Variants in ESYT2 observed in about 807,000 individuals in gnomAD.
The protein encoded by ESYT2 is extended synaptotagmin-2.
In ESYT2, 54 loss-of-function variants were observed where a neutral mutation model predicts 107.2. The observed-to-expected ratio is 0.50, with a 90% confidence interval of 0.40 to 0.63. The LOEUF (loss-of-function observed/expected upper bound fraction) is 0.63, where lower values mean the gene tolerates loss of function less well. ESYT2 is among the 30% of genes least tolerant of loss of function. ESYT2 has a pLI of 0.00. For missense variants in ESYT2, 1,020 were observed against 1,094.5 expected (o/e 0.93, Z 0.96); for synonymous variants, 491 against 434.1 (o/e 1.13, Z -1.63).
Position 158,816,051 on chromosome 7 carries a change from G to A in ESYT2, c.330+13038C>T, listed in dbSNP as rs545354702. On this transcript the variant is annotated intron_variant, in intron 1 of 22. Transcript: ENST00000275418. ...CGCTTTATATGGCAAAAAGAACGCTGCAGATGTGGTAAAATGGAGGATCTT... is the reference window on the plus strand; with the variant it reads ...CGCTTTATATGGCAAAAAGAACGCTACAGATGTGGTAAAATGGAGGATCTT... Among the ~76,000 whole-genome samples the A allele has an allele frequency of 7.2e-5, 11 of 152,294 alleles. No individual in the cohort carries two copies. In the East Asian group the frequency reaches 2.1e-3, roughly 29 times the overall value.
chr7:158,765,544 G>T (rs1838127789), intron 8 of ESYT2, among the ~76,000 whole-genome samples: 1 of 151,978 alleles, frequency 6.6e-6, no homozygotes, highest in Non-Finnish European at 1.5e-5. Flanking sequence ...GACCAGCCTG[G>T]CCAACATGGC....
At chr7:158,769,551 T>G (rs953003115) in intron 7 of ESYT2, among the ~76,000 whole-genome samples, 2 of 152,250 alleles carry the variant, frequency 1.3e-5, no homozygotes, top group African/African-American at 4.8e-5. Context: ...AGTCACTATT[T>G]CCCTGTGTGT....
At chr7:158,799,483 G>C (rs1839568979) in intron 1 of ESYT2, among the ~76,000 whole-genome samples, 1 of 152,138 alleles carries the variant, frequency 6.6e-6, no homozygotes, top group South Asian at 2.1e-4. Context: ...TCCCAGGCCA[G>C]CCGTGGTGGC....
chr7:158,766,084 G>A (rs1244902395), intron 8 of ESYT2, among the ~76,000 whole-genome samples: 1 of 151,526 alleles, frequency 6.6e-6, no homozygotes, highest in Non-Finnish European at 1.5e-5. Flanking sequence ...TGGAAGAATG[G>A]TGTGAATTCG....
chr7:158,786,977 C>A (rs1051295654), intron 6 of ESYT2, among the ~76,000 whole-genome samples: 1 of 152,122 alleles, frequency 6.6e-6, no homozygotes, highest in Non-Finnish European at 1.5e-5. Context: ...GTGAAGAAAG[C>A]CTTCTGCGGC....
At chr7:158,745,403 G>A (rs925782523) in intron 16 of ESYT2, among the ~76,000 whole-genome samples, 2 of 151,586 alleles carry the variant, frequency 1.3e-5, no homozygotes, top group Admixed American at 6.6e-5. Context: ...CATAAATTCA[G>A]AGATTTAAAC....
chr7:158,828,440 C>G (rs926020256), intron 1 of ESYT2, among the ~76,000 whole-genome samples: 1 of 152,198 alleles, frequency 6.6e-6, no homozygotes. Flanking sequence ...AGGAAGCGCG[C>G]GCTCCGGGCA....
At chr7:158,775,455 C>G (rs1047308376) in intron 6 of ESYT2, among the ~76,000 whole-genome samples, 14 of 152,202 alleles carry the variant, frequency 9.2e-5, no homozygotes, top group Admixed American at 2.0e-4. Flanking sequence ...CCCTGCTACT[C>G]CTTTATCAAC....
Position 158,748,439 on chromosome 7 carries a change from T to A in ESYT2, c.1558-159A>T, listed in dbSNP as rs111399110. ...CTTAATTAAATTCCAAGACATGTATTTGCAGGTATGCACTATTATGTATTG... is the reference window on the plus strand; with the variant it reads ...CTTAATTAAATTCCAAGACATGTATATGCAGGTATGCACTATTATGTATTG... On this transcript the variant is annotated intron_variant, in intron 15 of 22. Transcript: ENST00000275418. 5.1e-3 allele frequency among the ~76,000 whole-genome samples: 776 copies of A among 152,330 alleles called. 4 individuals carry two copies. Among genetic ancestry groups the A allele is most frequent in the African/African-American group, 0.018 (745 of 41,580 alleles).
At chr7:158,802,915 C>A (rs916745306) in intron 1 of ESYT2, among the ~76,000 whole-genome samples, 2 of 152,230 alleles carry the variant, frequency 1.3e-5, no homozygotes, top group African/African-American at 4.8e-5. Context: ...ATTCAAGATT[C>A]TTCCTCATTC....
intron 8 of ESYT2, 76 bp downstream of exon 8, chr7:158,767,578 C>G (rs921810033): frequency 1.9e-6 from 3 of 1,546,686 alleles, no homozygotes; most frequent in Admixed American, 1.9e-5. Context: ...AGAGTCACAG[C>G]ACCCAATGCC....
Position 158,829,163 on chromosome 7 carries a change from G to C in ESYT2, c.256C>G (p.Arg86Gly). ...SRGLKALRLC[R>G]ALALLEDEER... The stretch of plus-strand genomic sequence containing the variant: ...TCGTCTTCCAGCAGCGCCAGCGCGC[G>C]GCACAGGCGCAGGGCCTTGAGGCCG... The change falls in exon 1 of 23, where the codon CGC becomes GGC. Residue 86 changes from arginine (R) to glycine (G), a missense_variant. Physicochemically the swap from Arg to Gly is moderately radical, Grantham distance 125 (BLOSUM62 -2). Coordinates refer to ENST00000275418, the MANE Select transcript of ESYT2 (RefSeq NM_001367773.1). The C allele has an allele frequency of 1.3e-6, 2 of 1,553,916 alleles. No homozygotes were observed. The highest frequency in any genetic ancestry group is 1.2e-5 in the South Asian group (1 of 86,476).
intron 13 of ESYT2, among the ~76,000 whole-genome samples, chr7:158,753,295 C>T (rs570546406): frequency 3.2e-4 from 48 of 152,218 alleles, no homozygotes; most frequent in Non-Finnish European, 2.6e-4. Context: ...GCCGCTGAGA[C>T]GCACCTTCCC....
At position 158,777,746 on chromosome 7, in the gene ESYT2, G is replaced by A. The variant is rs564623434; in HGVS notation, c.748-4350C>T. Among the ~76,000 whole-genome samples, 86 of 152,280 alleles carry A rather than the reference G, an allele frequency of 5.6e-4. 3 individuals carry two copies. In the South Asian group the frequency reaches 0.017, roughly 30 times the overall value. On this transcript the variant is annotated intron_variant, in intron 6 of 22. Transcript: ENST00000275418. ...TCTCAGGTAGAATCTTTATAGCGGT[G>A]TGAGAATGTACTAATCCGCCATCTT... is the stretch of plus-strand genomic sequence containing the variant.
intron 1 of ESYT2, among the ~76,000 whole-genome samples, chr7:158,819,683 A>G (rs1840238618): frequency 6.6e-6 from 1 of 152,232 alleles, no homozygotes; most frequent in South Asian, 2.1e-4. Context: ...TCTCCTCCAA[A>G]GCTTATTCTT....
chr7:158,741,957 G>C (rs1329876921), intron 17 of ESYT2, 61 bp from the exon 18 acceptor site: 7 of 1,481,924 alleles, frequency 4.7e-6, no homozygotes, highest in African/African-American at 1.4e-5. Context: ...CCTAATACTG[G>C]AACAGCCTGG....
chr7:158,776,736 T>G (rs1275599715), intron 6 of ESYT2, among the ~76,000 whole-genome samples: 3 of 152,236 alleles, frequency 2.0e-5, no homozygotes, highest in Non-Finnish European at 2.9e-5. Context: ...CACTTTTATT[T>G]TCCTTCGAAC....
chr7:158,785,849 C>A (rs1046386761), intron 6 of ESYT2, among the ~76,000 whole-genome samples: 1 of 152,116 alleles, frequency 6.6e-6, no homozygotes, highest in Non-Finnish European at 1.5e-5. Flanking sequence ...AAAAACTAAA[C>A]AAGCCAACAA....
Position 158,735,563 on chromosome 7 carries a change from G to A in ESYT2, c.2445C>T (p.Leu815=), listed in dbSNP as rs34974906. The change falls in exon 21 of 23, where the codon CTC becomes CTT. Residue 815 remains leucine, a synonymous_variant. Transcript: ENST00000275418. ...VSLPEVQRRT[L]DVAVKNSGGF... Reference sequence around the variant, plus strand: ...CGCCACTGTTCTTCACGGCAACGTCGAGCGTTCTCCTCTGCACTTCTGGTA... The same window carrying A: ...CGCCACTGTTCTTCACGGCAACGTCAAGCGTTCTCCTCTGCACTTCTGGTA... 0.11 allele frequency: 176,904 copies of A among 1,602,818 alleles called. 10,832 individuals are homozygous for A. The highest frequency in any genetic ancestry group is 0.12 in the African/African-American group (8,850 of 74,586).
Sources: gnomAD v4.1 joint callset for allele counts (sites outside exome capture counted in the v4.1 genomes callset) on GRCh38, gnomAD v4.1.1 for gene constraint, MANE v1.5 for transcripts, NCBI Gene and HGNC (gene_info 2026-07-23, HGNC 2026-07-21) for gene names.